Variants in MARK3 observed in about 807,000 individuals in gnomAD.
MARK3 encodes MAP/microtubule affinity-regulating kinase 3.
In MARK3, 46 loss-of-function variants were observed where a neutral mutation model predicts 90.1. The ratio of observed to expected loss-of-function variants is 0.51; its 90% CI spans 0.40 to 0.65. The LOEUF (loss-of-function observed/expected upper bound fraction) is 0.65, where lower values mean the gene tolerates loss of function less well. MARK3 is among the 30% of genes least tolerant of loss of function. The pLI, the probability that MARK3 is intolerant of heterozygous loss-of-function variation, is 0.00. For synonymous variants in MARK3, 321 were observed against 332.6 expected (o/e 0.97, Z 0.38); for missense variants, 818 against 947.2 (o/e 0.86, Z 1.79).
chr14:103,462,289 C>CACGG (rs2093417279), intron 6 of MARK3, 116 bp from the exon 7 acceptor site: 1 of 646,834 alleles, frequency 1.5e-6, no homozygotes, highest in African/African-American at 1.8e-5. Flanking sequence ...TAGAAATCCA[C>CACGG]ACGGACATTC....
chr14:103,454,279 G>A lies in MARK3; in HGVS notation c.412+2296G>A, dbSNP rs560523608. On this transcript the variant is annotated intron_variant, in intron 5 of 17. Coordinates refer to ENST00000429436, the MANE Select transcript of MARK3 (RefSeq NM_001128918.3). ...TTTTTTTTTTCTTTTTGGAGACAGG[G>A]TCTCACTCTGTTGCCCAGGCTCAAG... Among the ~76,000 whole-genome samples, 3 of 151,690 alleles carry A rather than the reference G, an allele frequency of 2.0e-5. No homozygotes were observed. The South Asian group carries it at 6.2e-4, about 31-fold the overall frequency.
intron 14 of MARK3, among the ~76,000 whole-genome samples, chr14:103,488,363 T>G (rs56355095): frequency 0.01 from 1,575 of 152,264 alleles, 22 homozygotes; most frequent in African/African-American, 0.036. Context: ...TCAGGTGGTC[T>G]CCTTGATCTG....
intron 15 of MARK3, among the ~76,000 whole-genome samples, chr14:103,497,364 T>C (rs945863098): frequency 6.6e-6 from 1 of 152,256 alleles, no homozygotes; most frequent in Non-Finnish European, 1.5e-5. Context: ...CTGCCTGCTA[T>C]GTACAGTTAC....
intron 16 of MARK3, chr14:103,499,065 CA>C (rs1344089247): frequency 1.3e-5 from 2 of 152,246 alleles, no homozygotes; most frequent in Non-Finnish European, 2.9e-5. Flanking sequence ...AGCTGCGTAG[CA>C]GAAATGTTTT....
At chr14:103,461,458 A>G (rs2093399049) in intron 6 of MARK3, among the ~76,000 whole-genome samples, 1 of 152,200 alleles carries the variant, frequency 6.6e-6, no homozygotes. Flanking sequence ...AAAGCATACT[A>G]TTTACTGAAA....
At chr14:103,391,914 T>C (rs1485245111) in intron 1 of MARK3, among the ~76,000 whole-genome samples, 2 of 152,064 alleles carry the variant, frequency 1.3e-5, no homozygotes, top group African/African-American at 4.8e-5. Flanking sequence ...TGTTCTATAG[T>C]TATATGGAGC....
At chr14:103,425,304 G>T (rs774373833) in intron 2 of MARK3, among the ~76,000 whole-genome samples, 3 of 151,752 alleles carry the variant, frequency 2.0e-5, no homozygotes, top group Non-Finnish European at 4.4e-5. Flanking sequence ...TTCTCGCCCA[G>T]GCTGGAGTTC....
chr14:103,474,619 C>T (rs1465633572), intron 12 of MARK3, among the ~76,000 whole-genome samples: 2 of 152,206 alleles, frequency 1.3e-5, no homozygotes, highest in Admixed American at 1.3e-4. Context: ...GATGGCATCT[C>T]TCCTACAAAA....
At chr14:103,457,540 G>A (rs1321931578) in intron 6 of MARK3, among the ~76,000 whole-genome samples, 1 of 152,150 alleles carries the variant, frequency 6.6e-6, no homozygotes, top group Non-Finnish European at 1.5e-5. Context: ...TTAGCAAGCA[G>A]AATGTCAGAA....
chr14:103,492,322 G>A (rs574670106), intron 15 of MARK3, among the ~76,000 whole-genome samples: 2 of 152,142 alleles, frequency 1.3e-5, no homozygotes, highest in East Asian at 1.9e-4. Flanking sequence ...TGGCATGTTC[G>A]TTGTTGTTGA....
chr14:103,477,851 C>G (rs1462407474), intron 13 of MARK3, among the ~76,000 whole-genome samples: 1 of 151,892 alleles, frequency 6.6e-6, no homozygotes, highest in Non-Finnish European at 1.5e-5. Context: ...AATAGCTGAG[C>G]GTGATGATGC....
intron 14 of MARK3, among the ~76,000 whole-genome samples, chr14:103,483,412 G>A (rs539038672): frequency 1.3e-5 from 2 of 152,126 alleles, no homozygotes; most frequent in Non-Finnish European, 2.9e-5. Context: ...TTAAACCAGA[G>A]ACTCCACATA....
intron 1 of MARK3, among the ~76,000 whole-genome samples, chr14:103,388,434 C>T (rs1253588145): frequency 6.6e-6 from 1 of 152,226 alleles, no homozygotes; most frequent in Non-Finnish European, 1.5e-5. Flanking sequence ...TACATTACTG[C>T]ACTGCTAAGT....
chr14:103,416,682 G>A (rs1292727715), intron 2 of MARK3, among the ~76,000 whole-genome samples: 3 of 152,162 alleles, frequency 2.0e-5, no homozygotes, highest in East Asian at 1.9e-4. Context: ...TGAGGCAGGC[G>A]AATTGCTTGA....
chr14:103,424,761 T>A (rs958574848), intron 2 of MARK3, among the ~76,000 whole-genome samples: 1 of 152,114 alleles, frequency 6.6e-6, no homozygotes, highest in African/African-American at 2.4e-5. Flanking sequence ...TCATTGGAAT[T>A]GGGAGATCTA....
intron 1 of MARK3, among the ~76,000 whole-genome samples, chr14:103,404,126 A>G (rs1002504554): frequency 2.6e-5 from 4 of 152,254 alleles, no homozygotes; most frequent in Admixed American, 6.5e-5. Context: ...CTTTCACTTT[A>G]AAACACCTGA....
intron 2 of MARK3, among the ~76,000 whole-genome samples, chr14:103,407,023 C>T (rs188641005): frequency 1.3e-4 from 20 of 151,918 alleles, no homozygotes; most frequent in East Asian, 3.9e-4. Flanking sequence ...TTAGTAGAGA[C>T]GGGGTTTCAC....
chr14:103,475,486 G>C (rs2093698731), intron 13 of MARK3, among the ~76,000 whole-genome samples: 1 of 152,170 alleles, frequency 6.6e-6, no homozygotes, highest in African/African-American at 2.4e-5. Context: ...TGGAGGCTGA[G>C]AAGTCCAAGA....
intron 1 of MARK3, among the ~76,000 whole-genome samples, chr14:103,399,938 CTTTT>C (rs11323012): frequency 6.9e-6 from 1 of 145,036 alleles, no homozygotes. Flanking sequence ...CCCCACCCTC[CTTTT>C]TTTTTTTTGA....
Sources: gnomAD v4.1 joint callset for allele counts (sites outside exome capture counted in the v4.1 genomes callset) on GRCh38, gnomAD v4.1.1 for gene constraint, MANE v1.5 for transcripts, NCBI Gene and HGNC (gene_info 2026-07-23, HGNC 2026-07-21) for gene names.